MICU2: variants seen among roughly 807,000 people sequenced by gnomAD.
MICU2 encodes the protein calcium uptake protein 2, mitochondrial.
A neutral mutation model predicts 60.4 loss-of-function variants in MICU2; 64 were observed. That is an observed-to-expected ratio of 1.06 (90% CI 0.87 to 1.31). The LOEUF is 1.31. MICU2 is among the 50% of genes most tolerant of loss of function. The pLI is 0.00. For synonymous variants in MICU2, 201 were observed against 175.0 expected (o/e 1.15, Z -1.17); for missense variants, 569 against 531.0 (o/e 1.07, Z -0.70).
intron 5 of MICU2, among the ~76,000 whole-genome samples, chr13:21,521,621 C>A (rs1484001091): frequency 1.3e-5 from 2 of 152,138 alleles, no homozygotes; most frequent in Non-Finnish European, 2.9e-5. Flanking sequence ...GCACTAGGGG[C>A]TTTTCTATAT....
At chr13:21,564,247 A>G (rs1018588718) in intron 2 of MICU2, among the ~76,000 whole-genome samples, 1 of 152,096 alleles carries the variant, frequency 6.6e-6, no homozygotes, top group Non-Finnish European at 1.5e-5. Context: ...TAAGTTAGTC[A>G]TGATGTATTT....
chr13:21,519,081 ATTATTTTTT>A (rs1476887513), intron 6 of MICU2, among the ~76,000 whole-genome samples: 1 of 151,828 alleles, frequency 6.6e-6, no homozygotes, highest in Non-Finnish European at 1.5e-5. Flanking sequence ...CATTATTTTT[ATTATTTTTT>A]TTGAGACAGA....
chr13:21,538,042 T>C (rs532356381), intron 4 of MICU2, among the ~76,000 whole-genome samples: 72 of 152,208 alleles, frequency 4.7e-4, no homozygotes, highest in African/African-American at 1.6e-3. Context: ...ACAAGAAACA[T>C]GCTCACCACC....
chr13:21,580,273 A>G (rs949388677), intron 1 of MICU2, among the ~76,000 whole-genome samples: 4 of 152,344 alleles, frequency 2.6e-5, no homozygotes, highest in Admixed American at 2.6e-4. Flanking sequence ...CAGGTTAAAG[A>G]AAAATCTTTA....
At position 21,542,433 on chromosome 13, in the gene MICU2, A is replaced by T. The variant is rs565088032; in HGVS notation, c.359-2745T>A. Among the ~76,000 whole-genome samples, 202 of 152,262 alleles carry T rather than the reference A, an allele frequency of 1.3e-3. 2 individuals carry two copies. Among genetic ancestry groups the T allele is most frequent in the Middle Eastern group, 0.01 (3 of 294 alleles). ...TTTTTGTTTGAGTTTGTTTTTTTCA[A>T]TGTAGGGTAGGGGGACACTCCTGTC... On this transcript the variant is annotated intron_variant, in intron 2 of 11. Transcript: ENST00000382374.
At chr13:21,554,753 A>G (rs1887660116) in intron 2 of MICU2, among the ~76,000 whole-genome samples, 2 of 152,206 alleles carry the variant, frequency 1.3e-5, no homozygotes, top group Admixed American at 1.3e-4. Flanking sequence ...TTTTGAAAAG[A>G]TCAAGAAAAT....
At chr13:21,546,000 CA>C (rs1887408159) in intron 2 of MICU2, among the ~76,000 whole-genome samples, 1 of 151,996 alleles carries the variant, frequency 6.6e-6, no homozygotes, top group Non-Finnish European at 1.5e-5. Flanking sequence ...CTATGTACCC[CA>C]TAAGTATGTA....
At chr13:21,575,604 G>A (rs1180407802) in intron 1 of MICU2, among the ~76,000 whole-genome samples, 1 of 151,178 alleles carries the variant, frequency 6.6e-6, no homozygotes, top group African/African-American at 2.4e-5. Flanking sequence ...CACACCTGTG[G>A]TCCCAGCTAC....
intron 2 of MICU2, among the ~76,000 whole-genome samples, chr13:21,562,003 T>C (rs1887857257): frequency 6.6e-6 from 1 of 150,656 alleles, no homozygotes; most frequent in African/African-American, 2.4e-5. Context: ...AGAATGATGA[T>C]TTCCAATTTC....
intron 1 of MICU2, among the ~76,000 whole-genome samples, chr13:21,583,258 C>G (rs1888386988): frequency 6.6e-6 from 1 of 152,004 alleles, no homozygotes; most frequent in African/African-American, 2.4e-5. Flanking sequence ...AAGTAGAAAA[C>G]AAAAACAAAA....
At chr13:21,603,613 A>C in intron 1 of MICU2, 1 of 382,210 alleles carries the variant, frequency 2.6e-6, no homozygotes. Flanking sequence ...GAGATTCTGA[A>C]TTAGGAGCCT....
At chr13:21,541,553 C>A (rs1275282204) in intron 2 of MICU2, among the ~76,000 whole-genome samples, 1 of 152,168 alleles carries the variant, frequency 6.6e-6, no homozygotes, top group Non-Finnish European at 1.5e-5. Flanking sequence ...AAAGATTTCA[C>A]AATGTCTTCT....
chr13:21,544,495 C>A, intron 2 of MICU2, among the ~76,000 whole-genome samples: 1 of 45,808 alleles, frequency 2.2e-5, no homozygotes, highest in Non-Finnish European at 4.2e-5. Context: ...AGAACACATA[C>A]AAAATGACCA....
chr13:21,586,442 C>G (rs1212495481), intron 1 of MICU2, among the ~76,000 whole-genome samples: 1 of 152,098 alleles, frequency 6.6e-6, no homozygotes, highest in Non-Finnish European at 1.5e-5. Context: ...GGGTCTTGGT[C>G]TGCCGTCTAG....
intron 1 of MICU2, among the ~76,000 whole-genome samples, chr13:21,584,655 T>C (rs1216801817): frequency 2.0e-5 from 3 of 152,094 alleles, no homozygotes; most frequent in Non-Finnish European, 4.4e-5. Flanking sequence ...AAAAATATGA[T>C]TCATTATTAT....
At chr13:21,563,203 C>T (rs1887890475) in intron 2 of MICU2, among the ~76,000 whole-genome samples, 1 of 152,162 alleles carries the variant, frequency 6.6e-6, no homozygotes, top group East Asian at 1.9e-4. Flanking sequence ...TGCCTGTAAT[C>T]CCAGCACTTT....
intron 6 of MICU2, among the ~76,000 whole-genome samples, chr13:21,515,253 T>C (rs1886542088): frequency 6.6e-6 from 1 of 151,968 alleles, no homozygotes; most frequent in Non-Finnish European, 1.5e-5. Flanking sequence ...GGCTAATTTT[T>C]TTGTATTTTT....
intron 2 of MICU2, among the ~76,000 whole-genome samples, chr13:21,544,512 A>C (rs1887359916): frequency 1.9e-5 from 2 of 105,512 alleles, no homozygotes; most frequent in Non-Finnish European, 3.8e-5. Context: ...ACCAATAAAC[A>C]CATGAAAAAA....
chr13:21,517,799 A>ACACACGCGCG (rs1244489287), intron 6 of MICU2, among the ~76,000 whole-genome samples: 156 of 136,388 alleles, frequency 1.1e-3, no homozygotes, highest in African/African-American at 4.6e-3. Flanking sequence ...ACACACACAC[A>ACACACGCGCG]CGCGCGCGCG....
Sources: allele counts gnomAD v4.1 joint callset (sites outside exome capture counted in the v4.1 genomes callset), GRCh38; gene constraint gnomAD v4.1.1; transcripts MANE v1.5; gene names NCBI Gene and HGNC (gene_info 2026-07-23, HGNC 2026-07-21).